LMOD1: variants seen among roughly 807,000 people sequenced by gnomAD.
LMOD1 encodes the protein leiomodin-1.
A neutral mutation model predicts 36.5 loss-of-function variants in LMOD1; 8 were observed. The ratio of observed to expected loss-of-function variants is 0.22; its 90% CI spans 0.13 to 0.40. The LOEUF (loss-of-function observed/expected upper bound fraction) is 0.40. LMOD1 is among the 10% of genes least tolerant of loss of function. LMOD1 has a pLI of 1.00. For synonymous variants in LMOD1, 284 were observed against 288.7 expected, an observed-to-expected ratio of 0.98 and a Z score of 0.17; for missense variants, 630 against 751.1, an observed-to-expected ratio of 0.84 and a Z score of 1.88.
intron 1 of LMOD1, among the ~76,000 whole-genome samples, chr1:201,931,363 C>G (rs967016519): frequency 1.1e-4 from 16 of 152,012 alleles, no homozygotes; most frequent in African/African-American, 3.9e-4. Context: ...GGCGAAACCT[C>G]GTCTCTACTA....
intron 1 of LMOD1, among the ~76,000 whole-genome samples, chr1:201,913,841 A>T (rs1474202380): frequency 6.6e-6 from 1 of 152,044 alleles, no homozygotes; most frequent in Admixed American, 6.6e-5. Context: ...GTATGTATAT[A>T]CCTTGATAAT....
At chr1:201,946,037 C>A in intron 1 of LMOD1, 43 bp downstream of exon 1, 1 of 1,585,670 alleles carries the variant, frequency 6.3e-7, no homozygotes, top group Non-Finnish European at 8.6e-7. Flanking sequence ...GTCTCCAGCC[C>A]TCCCCTGTCT....
rs189359808 is a variant in LMOD1 at position 201,929,018 on chromosome 1, T to A, written c.261+17062A>T. On this transcript the variant is annotated intron_variant, in intron 1 of 2. Coordinates refer to ENST00000367288, the MANE Select transcript of LMOD1 (RefSeq NM_012134.3). ...CAGGCATGAGCCACCACACCCGGCC[T>A]GCAAAAATATAATTAATATTTTCTT... Among the ~76,000 whole-genome samples, 354 of 150,344 alleles carry A rather than the reference T, an allele frequency of 2.4e-3. 1 individual carries two copies. The highest frequency in any genetic ancestry group is 8.4e-3 in the African/African-American group (342 of 40,874).
intron 1 of LMOD1, 76 bp downstream of exon 1, chr1:201,946,004 A>C: frequency 7.0e-7 from 1 of 1,422,988 alleles, no homozygotes; most frequent in Non-Finnish European, 9.7e-7. Flanking sequence ...TAAGGAAGGA[A>C]GCATCCTAAT....
chr1:201,920,135 C>T (rs753683657), intron 1 of LMOD1, among the ~76,000 whole-genome samples: 1 of 139,364 alleles, frequency 7.2e-6, no homozygotes, highest in Non-Finnish European at 1.5e-5. Flanking sequence ...TCTTGGCTCA[C>T]TGCAACCTCA....
intron 1 of LMOD1, among the ~76,000 whole-genome samples, chr1:201,939,055 C>T (rs568639484): frequency 5.9e-5 from 9 of 152,006 alleles, no homozygotes; most frequent in African/African-American, 1.9e-4. Flanking sequence ...GGCCAGGCAG[C>T]GAGTAATTAC....
intron 1 of LMOD1, among the ~76,000 whole-genome samples, chr1:201,942,108 C>T (rs1047952087): frequency 6.6e-6 from 1 of 152,140 alleles, no homozygotes; most frequent in African/African-American, 2.4e-5. Context: ...ACAGGTCTGG[C>T]CCTTTAAAGG....
chr1:201,919,574 T>C (rs1186442671), intron 1 of LMOD1, among the ~76,000 whole-genome samples: 1 of 152,166 alleles, frequency 6.6e-6, no homozygotes, highest in Non-Finnish European at 1.5e-5. Context: ...AGGGACTGTA[T>C]AAAGCAAGGT....
In LMOD1 at chr1:201,899,355, G is replaced by A; in HGVS notation, c.1658C>T (p.Ser553Leu). 1 of 1,503,642 alleles carries A rather than the reference G, an allele frequency of 6.7e-7. No homozygotes were observed. Among genetic ancestry groups the A allele is most frequent in the Non-Finnish European group, 9.0e-7 (1 of 1,106,566 alleles). The allele number at this position is 1,503,642 out of a possible 1,614,324, so 93.1% of individuals were successfully genotyped here. A position where few individuals can be genotyped will look rare whatever the true frequency, so the allele number is the denominator to read the frequency against. Reference protein sequence around the residue: ...PPLIMENLKNSLSPATQRKMG... With the variant: ...PPLIMENLKNLLSPATQRKMG... ...CTTCCTCTGGGTAGCTGGTGAGAGTGAATTCTTCAGGTTCTCCATGATAAG... is the reference window on the plus strand; with the variant it reads ...CTTCCTCTGGGTAGCTGGTGAGAGTAAATTCTTCAGGTTCTCCATGATAAG... Residue 553 changes from serine to leucine, a missense_variant, in exon 2 of 3, where the codon TCA becomes TTA. Ser to Leu is a moderately radical substitution (Grantham distance 145, BLOSUM62 -2). Coordinates refer to ENST00000367288, the MANE Select transcript of LMOD1 (RefSeq NM_012134.3). This position sits in a 1 kb window ranked among gnomAD's most constrained non-coding sequence, Gnocchi z 6.3.
At chr1:201,924,354 A>G (rs1681763514) in intron 1 of LMOD1, among the ~76,000 whole-genome samples, 1 of 118,414 alleles carries the variant, frequency 8.4e-6, no homozygotes, top group Non-Finnish European at 1.7e-5. Context: ...CAAGGGAAGG[A>G]GGGAGGGAGA....
intron 1 of LMOD1, among the ~76,000 whole-genome samples, chr1:201,929,289 T>C (rs1681880206): frequency 1.3e-5 from 2 of 150,672 alleles, no homozygotes; most frequent in South Asian, 4.2e-4. Flanking sequence ...TTTTAGTAGA[T>C]CAGGCTGGTC....
rs531953443 is a variant in LMOD1 at position 201,935,987 on chromosome 1, C to T, written c.261+10093G>A. On this transcript the variant is annotated intron_variant, in intron 1 of 2. Coordinates refer to ENST00000367288, the MANE Select transcript of LMOD1 (RefSeq NM_012134.3). ...AAAATTAGCCGGGCGTGGTGGCAGG[C>T]GCCTGTAATCCTGGCTACTCAGGAG... Among the ~76,000 whole-genome samples the T allele has an allele frequency of 2.7e-5, 4 of 150,178 alleles. No homozygotes were observed. In the South Asian group the frequency reaches 6.4e-4, roughly 24 times the overall value.
In LMOD1 at chr1:201,906,969, G is replaced by A. The variant is rs541807420; in HGVS notation, c.262-6218C>T. On this transcript the variant is annotated intron_variant, in intron 1 of 2. Coordinates refer to ENST00000367288, the MANE Select transcript of LMOD1 (RefSeq NM_012134.3). ...GCACCAGCTGTCCTGGGTAGGGGCCGTAATGCCTGTTTCCCTTGGTGGAAT... is the reference window on the plus strand; with the variant it reads ...GCACCAGCTGTCCTGGGTAGGGGCCATAATGCCTGTTTCCCTTGGTGGAAT... 4.6e-5 allele frequency among the ~76,000 whole-genome samples: 7 copies of A among 152,334 alleles called. 1 individual carries two copies. The highest frequency in any genetic ancestry group is 9.6e-5 in the African/African-American group (4 of 41,582).
chr1:201,943,349 A>G (rs1682151736), intron 1 of LMOD1, among the ~76,000 whole-genome samples: 1 of 152,242 alleles, frequency 6.6e-6, no homozygotes, highest in Non-Finnish European at 1.5e-5. Flanking sequence ...CTTAAAGAAA[A>G]GGTGAATGTG....
rs564860285 is a variant in LMOD1 at position 201,900,832 on chromosome 1, C to T, written c.262-81G>A. On this transcript the variant is annotated intron_variant, in intron 1 of 2. Coordinates refer to ENST00000367288, the MANE Select transcript of LMOD1 (RefSeq NM_012134.3). ...ATGAGTATGGGGATGTGTGGGGGAG[C>T]GCTTACATAACTGCCCTTGAGCCTC... The T allele has an allele frequency of 6.1e-5, 78 of 1,270,436 alleles. No homozygotes were observed. The Middle Eastern group carries it at 1.4e-3, about 22-fold the overall frequency. The allele number at this position is 1,270,436 out of a possible 1,614,324, so 78.7% of individuals were successfully genotyped here.
intron 1 of LMOD1, among the ~76,000 whole-genome samples, chr1:201,939,896 G>A (rs1298474943): frequency 6.6e-6 from 1 of 152,110 alleles, no homozygotes; most frequent in Non-Finnish European, 1.5e-5. Flanking sequence ...ATACTCTAAA[G>A]TCTCCTGGGG....
chr1:201,916,029 C>T (rs2819351), intron 1 of LMOD1, among the ~76,000 whole-genome samples: 45,219 of 151,818 alleles, frequency 0.3, 6,965 homozygotes, highest in Non-Finnish European at 0.34. Context: ...GTGATCCTCC[C>T]ACCTCAGCCT....
At chr1:201,901,546 A>ACATATATATG (rs1259968040) in intron 1 of LMOD1, among the ~76,000 whole-genome samples, 5 of 43,666 alleles carry the variant, frequency 1.1e-4, no homozygotes, top group African/African-American at 6.0e-4. Context: ...ATATATATAT[A>ACATATATATG]TATATACATA....
intron 1 of LMOD1, among the ~76,000 whole-genome samples, chr1:201,918,502 C>T (rs1681645782): frequency 6.6e-6 from 1 of 152,224 alleles, no homozygotes; most frequent in South Asian, 2.1e-4. Flanking sequence ...CCTCCCCTTC[C>T]TGCCTGCACT....
Sources: gnomAD v4.1 joint callset for allele counts (sites outside exome capture counted in the v4.1 genomes callset) on GRCh38, gnomAD v4.1.1 for gene constraint, Gnocchi (gnomAD v3.1) non-coding constraint, MANE v1.5 for transcripts, NCBI Gene and HGNC (gene_info 2026-07-23, HGNC 2026-07-21) for gene names.